GSK3B: variants seen among roughly 807,000 people sequenced by gnomAD.
GSK3B encodes the protein glycogen synthase kinase 3 beta, also known as glycogen synthase kinase-3 beta.
In GSK3B, 15 loss-of-function variants were observed where a neutral mutation model predicts 56.4. That is an observed-to-expected ratio of 0.27 (90% confidence interval 0.18 to 0.41). The LOEUF is 0.41. Ranked by LOEUF, GSK3B falls within the 10% of genes least tolerant of loss-of-function variation. The pLI is 1.00. For missense variants in GSK3B, 300 were observed against 513.4 expected, an observed-to-expected ratio of 0.58 and a Z score of 4.02; for synonymous variants, 181 against 188.9, an observed-to-expected ratio of 0.96 and a Z score of 0.34.
intron 7 of GSK3B, among the ~76,000 whole-genome samples, chr3:119,901,789 GAAAGTTTATAAAATAATGAGGCA>G (rs1028685466): frequency 2.0e-5 from 3 of 152,068 alleles, no homozygotes; most frequent in African/African-American, 4.8e-5. Flanking sequence ...TCCCTGCTCA[GAAAGTTTATAAAATAATGAGGCA>G]AAAGTTTATA....
chr3:119,827,585 TAAAAAAAAAA>T (rs1156408098), intron 10 of GSK3B, among the ~76,000 whole-genome samples: 2 of 42,114 alleles, frequency 4.7e-5, no homozygotes, highest in African/African-American at 1.7e-4. Context: ...ATACCGTCTT[TAAAAAAAAAA>T]AAAAAAAAAA....
rs144099714 is a variant in GSK3B, at chr3:120,032,691, G to A, written c.89-30452C>T. ...CTATTAGAAAAATTTAATTATATAC[G>A]TGGCTTGCAATATACTTTCTGAACA... is the stretch of plus-strand genomic sequence containing the variant. On this transcript the variant is annotated intron_variant, in intron 1 of 10. Coordinates refer to ENST00000264235, the MANE Select transcript of GSK3B (RefSeq NM_001146156.2). Among the ~76,000 whole-genome samples, 654 of 151,848 alleles carry A rather than the reference G, an allele frequency of 4.3e-3. 1 individual carries two copies. The highest frequency in any genetic ancestry group is 0.015 in the African/African-American group (609 of 41,354).
At chr3:120,077,303 AGT>A (rs1383876778) in intron 1 of GSK3B, among the ~76,000 whole-genome samples, 1 of 152,202 alleles carries the variant, frequency 6.6e-6, no homozygotes, top group Non-Finnish European at 1.5e-5. Context: ...GTTAAACTTC[AGT>A]GTGTGTATAT....
At chr3:119,971,018 G>A (rs1017036253) in intron 2 of GSK3B, among the ~76,000 whole-genome samples, 1 of 152,114 alleles carries the variant, frequency 6.6e-6, no homozygotes, top group Non-Finnish European at 1.5e-5. Context: ...AGATTCCACT[G>A]TATGATTATA....
At chr3:119,840,212 C>T (rs1050107430) in intron 10 of GSK3B, among the ~76,000 whole-genome samples, 3 of 137,786 alleles carry the variant, frequency 2.2e-5, no homozygotes, top group African/African-American at 8.1e-5. Context: ...AAAAACATGT[C>T]TGATGCCGAG....
At chr3:119,901,772 A>G (rs1052595558) in intron 7 of GSK3B, among the ~76,000 whole-genome samples, 1 of 152,190 alleles carries the variant, frequency 6.6e-6, no homozygotes, top group Non-Finnish European at 1.5e-5. Flanking sequence ...ATAAGAATAA[A>G]AAAAAGTCCC....
At chr3:119,954,404 GT>G (rs944217281) in intron 2 of GSK3B, among the ~76,000 whole-genome samples, 4 of 124,004 alleles carry the variant, frequency 3.2e-5, no homozygotes, top group South Asian at 2.5e-4. Context: ...TACAGTAAGG[GT>G]TTTTTTCATG....
At chr3:119,965,877 C>T (rs1262470629) in intron 2 of GSK3B, among the ~76,000 whole-genome samples, 1 of 151,668 alleles carries the variant, frequency 6.6e-6, no homozygotes, top group Non-Finnish European at 1.5e-5. Context: ...ACACTCTCCT[C>T]AATAAAGCCC....
At chr3:120,006,596 C>G (rs2057730279) in intron 1 of GSK3B, among the ~76,000 whole-genome samples, 1 of 152,174 alleles carries the variant, frequency 6.6e-6, no homozygotes, top group Non-Finnish European at 1.5e-5. Context: ...AATTAGAACT[C>G]AGCATTAAGA....
chr3:119,975,700 T>C (rs755897805), intron 2 of GSK3B, among the ~76,000 whole-genome samples: 4 of 152,194 alleles, frequency 2.6e-5, no homozygotes, highest in Non-Finnish European at 5.9e-5. Flanking sequence ...CCCTATACAA[T>C]TGTCAAAACC....
intron 2 of GSK3B, among the ~76,000 whole-genome samples, chr3:119,973,707 TTC>T (rs1255167222): frequency 1.3e-5 from 2 of 152,234 alleles, no homozygotes; most frequent in East Asian, 3.8e-4. Flanking sequence ...TATATAATTG[TTC>T]TATTTTATTA....
At chr3:119,946,097 A>C (rs1219672488) in intron 3 of GSK3B, among the ~76,000 whole-genome samples, 3 of 152,076 alleles carry the variant, frequency 2.0e-5, no homozygotes, top group Non-Finnish European at 4.4e-5. Context: ...AAAAAAAAAA[A>C]AGCAACTGAA....
chr3:119,837,923 T>C (rs1213959998), intron 10 of GSK3B, among the ~76,000 whole-genome samples: 1 of 134,024 alleles, frequency 7.5e-6, no homozygotes, highest in African/African-American at 2.8e-5. Context: ...ATGTTGAACA[T>C]TTCCTACGTT....
chr3:119,873,885 G>T (rs2056276491), intron 8 of GSK3B, among the ~76,000 whole-genome samples: 1 of 152,076 alleles, frequency 6.6e-6, no homozygotes, highest in African/African-American at 2.4e-5. Context: ...AACACCAGAC[G>T]AATGAAAGGT....
At chr3:119,848,659 T>C (rs1267135291) in intron 9 of GSK3B, among the ~76,000 whole-genome samples, 2 of 152,154 alleles carry the variant, frequency 1.3e-5, no homozygotes, top group Non-Finnish European at 2.9e-5. Flanking sequence ...TTTAAAATGT[T>C]TTCTGGTGCA....
intron 9 of GSK3B, among the ~76,000 whole-genome samples, chr3:119,850,630 C>A (rs1471172475): frequency 6.6e-6 from 1 of 151,714 alleles, no homozygotes; most frequent in Non-Finnish European, 1.5e-5. Context: ...CTTTGTCTAC[C>A]CATGGCAATG....
At chr3:119,992,262 A>G (rs1053407900) in intron 2 of GSK3B, among the ~76,000 whole-genome samples, 2 of 152,134 alleles carry the variant, frequency 1.3e-5, no homozygotes, top group Non-Finnish European at 2.9e-5. Context: ...TGACACATGA[A>G]TATGCAAACA....
chr3:119,955,339 C>T (rs1226702546), intron 2 of GSK3B, among the ~76,000 whole-genome samples: 1 of 151,644 alleles, frequency 6.6e-6, no homozygotes, highest in African/African-American at 2.4e-5. Context: ...TATTTTGTTC[C>T]ATGCATAGAA....
intron 2 of GSK3B, among the ~76,000 whole-genome samples, chr3:119,967,834 T>TTCTCTCTCTCTCTCTC (rs202156812): frequency 8.4e-6 from 1 of 118,920 alleles, no homozygotes; most frequent in Non-Finnish European, 1.7e-5. Flanking sequence ...CTCTTTCTCT[T>TTCTCTCTCTCTCTCTC]TCTCTCTCTC....
Sources: allele counts gnomAD v4.1 joint callset (sites outside exome capture counted in the v4.1 genomes callset), GRCh38; gene constraint gnomAD v4.1.1; transcripts MANE v1.5; gene names NCBI Gene and HGNC (gene_info 2026-07-23, HGNC 2026-07-21).